PCDHA6: variants seen among roughly 807,000 people sequenced by gnomAD.
PCDHA6 encodes protocadherin alpha-6.
Under a neutral mutation model 60.3 loss-of-function variants are expected in PCDHA6, and 55 were observed. The ratio of observed to expected loss-of-function variants is 0.91; its 90% CI spans 0.73 to 1.14. PCDHA6 has a LOEUF of 1.14. Among genes scored for constraint, PCDHA6 ranks in the 50% most tolerant of loss-of-function variants. The probability of loss-of-function intolerance (pLI) is 0.00; values close to 1 mark genes in which losing one functional copy is unlikely to be tolerated. For missense variants in PCDHA6, 1,327 were observed against 1,256.5 expected (o/e 1.06, Z -0.85); for synonymous variants, 652 against 557.9 (o/e 1.17, Z -2.38).
At chr5:140,869,139 A>C (rs2050869640) in intron 1 of PCDHA6, 1 of 1,613,156 alleles carries the variant, frequency 6.2e-7, no homozygotes, top group Admixed American at 1.7e-5. Flanking sequence ...TGGGCACCCC[A>C]CGACTACAGC....
intron 1 of PCDHA6, among the ~76,000 whole-genome samples, chr5:140,943,498 A>T (rs2093507311): frequency 6.6e-6 from 1 of 152,164 alleles, no homozygotes; most frequent in Admixed American, 6.6e-5. Flanking sequence ...GATGCTATCA[A>T]GGTTCATGGA....
intron 1 of PCDHA6, chr5:140,968,816 G>A: frequency 6.2e-7 from 1 of 1,614,144 alleles, no homozygotes. Context: ...GGTGGATAGG[G>A]TTTCCAAAAT....
chr5:140,834,483 T>C (rs1387248014), intron 1 of PCDHA6: 12 of 1,614,016 alleles, frequency 7.4e-6, no homozygotes, highest in Admixed American at 1.7e-5. Context: ...GCTCCACTAC[T>C]CGGTCCCCGA....
chr5:140,875,632 C>G, intron 1 of PCDHA6: 1 of 1,613,710 alleles, frequency 6.2e-7, no homozygotes, highest in Non-Finnish European at 8.5e-7. Flanking sequence ...GGACCTGGGG[C>G]TGGAGCTGGC....
chr5:140,870,864 C>T lies in PCDHA6; in HGVS notation c.2394+40379C>T, dbSNP rs782241816. The T allele has an allele frequency of 3.7e-6, 6 of 1,613,816 alleles. No homozygotes were observed. The African/African-American group carries it at 8.0e-5, about 22-fold the overall frequency. ...TAGTACCGCGGTCGGTGGGTGCGGG[C>T]CACGTGGTGGCGAAGGTGCGCGCAG... On this transcript the variant is annotated intron_variant, in intron 1 of 3. Coordinates refer to ENST00000529310, the MANE Select transcript of PCDHA6 (RefSeq NM_018909.4).
At chr5:140,947,530 CAATTTCTACAAAG>C (rs2094141786) in intron 1 of PCDHA6, among the ~76,000 whole-genome samples, 1 of 151,588 alleles carries the variant, frequency 6.6e-6, no homozygotes, top group African/African-American at 2.4e-5. Flanking sequence ...ATCAACTTTT[CAATTTCTACAAAG>C]AATTCCGCTG....
At chr5:140,855,901 A>G (rs1280645152) in intron 1 of PCDHA6, 6 of 1,088,536 alleles carry the variant, frequency 5.5e-6, no homozygotes, top group African/African-American at 4.7e-5. Flanking sequence ...GGCATCAGCC[A>G]GTTTCTCAAG....
At chr5:140,880,198 G>C (rs1360437780) in intron 1 of PCDHA6, among the ~76,000 whole-genome samples, 1 of 152,164 alleles carries the variant, frequency 6.6e-6, no homozygotes, top group Non-Finnish European at 1.5e-5. Flanking sequence ...ATAAACAGAA[G>C]AGGTTTTCCA....
At chr5:140,974,856 C>G (rs2096643713) in intron 1 of PCDHA6, among the ~76,000 whole-genome samples, 1 of 152,104 alleles carries the variant, frequency 6.6e-6, no homozygotes, top group African/African-American at 2.4e-5. Context: ...TTCCCTTTTG[C>G]CTTAATGCGG....
intron 1 of PCDHA6, among the ~76,000 whole-genome samples, chr5:140,902,277 A>G (rs1257357376): frequency 1.3e-5 from 2 of 149,170 alleles, no homozygotes; most frequent in African/African-American, 5.0e-5. Flanking sequence ...GGCTCAAGCA[A>G]TCCTCCTGCC....
rs1554148909 is a variant in PCDHA6, at chr5:140,856,599, A to G, written c.2394+26114A>G. 10 of 1,597,910 alleles carry G rather than the reference A, an allele frequency of 6.3e-6. 1 individual carries two copies. Among genetic ancestry groups the G allele is most frequent in the African/African-American group, 1.3e-5 (1 of 74,324 alleles). ...TATTTTGTTCTTGATATTATAAACAAAAAAGACAAAGACAAATTCCCAGTG... is the reference window on the plus strand; with the variant it reads ...TATTTTGTTCTTGATATTATAAACAGAAAAGACAAAGACAAATTCCCAGTG... On this transcript the variant is annotated intron_variant, in intron 1 of 3. Transcript: ENST00000529310.
intron 1 of PCDHA6, among the ~76,000 whole-genome samples, chr5:140,941,215 C>CTTT (rs782548958): frequency 2.3e-4 from 24 of 104,510 alleles, no homozygotes; most frequent in African/African-American, 3.3e-4. Context: ...TTCTTTCTTC[C>CTTT]TTTCTTTCTT....
In PCDHA6 at chr5:140,920,855, A is replaced by C. The variant is rs537725798; in HGVS notation, c.2395-58094A>C. Among the ~76,000 whole-genome samples, 935 of 152,094 alleles carry C rather than the reference A, an allele frequency of 6.1e-3. 10 individuals are homozygous for C. Among genetic ancestry groups the C allele is most frequent in the Admixed American group, 0.012 (185 of 15,278 alleles). On this transcript the variant is annotated intron_variant, in intron 1 of 3. Coordinates refer to ENST00000529310, the MANE Select transcript of PCDHA6 (RefSeq NM_018909.4). ...AAGACCAAATCTAAAAAAAAAAAAAAAAACAAACAAACTGTGGCCCTTAGA... is the reference window on the plus strand; with the variant it reads ...AAGACCAAATCTAAAAAAAAAAAAACAAACAAACAAACTGTGGCCCTTAGA...
rs1562687946 is a variant in PCDHA6 at position 140,874,243 on chromosome 5, TG to T, written c.2394+43760del. ...GTAGGAATGAATGGCAACAAATTAT[TG>T]GTTTAAAGATTTTGACTTGAGTATT... On this transcript the variant is annotated intron_variant, in intron 1 of 3. Coordinates refer to ENST00000529310, the MANE Select transcript of PCDHA6 (RefSeq NM_018909.4). 2.0e-5 allele frequency among the ~76,000 whole-genome samples: 3 copies of T among 152,230 alleles called. No homozygotes were observed. In the South Asian group the frequency reaches 6.2e-4, roughly 32 times the overall value.
intron 3 of PCDHA6, among the ~76,000 whole-genome samples, chr5:140,996,992 T>A (rs565740982): frequency 3.9e-5 from 6 of 152,324 alleles, no homozygotes; most frequent in African/African-American, 1.4e-4. Flanking sequence ...CAACCACTGT[T>A]AACAATTTTG....
chr5:141,007,435 G>A (rs1342767950), intron 3 of PCDHA6, among the ~76,000 whole-genome samples: 1 of 150,972 alleles, frequency 6.6e-6, no homozygotes, highest in Non-Finnish European at 1.5e-5. Flanking sequence ...AGGCATGGTG[G>A]CATGTGCCTG....
intron 1 of PCDHA6, chr5:140,850,351 G>A (rs2150480754): frequency 6.3e-7 from 1 of 1,597,916 alleles, no homozygotes; most frequent in Non-Finnish European, 8.6e-7. Flanking sequence ...GCCAGCGCGA[G>A]CATCCCGTTC....
intron 1 of PCDHA6, among the ~76,000 whole-genome samples, chr5:140,844,268 C>G (rs1440274573): frequency 6.7e-6 from 1 of 149,334 alleles, no homozygotes; most frequent in Non-Finnish European, 1.5e-5. Context: ...TGATAAAATA[C>G]AGAATGATAG....
chr5:141,009,606 T>C (rs2098413036), intron 3 of PCDHA6, 21 bp from the exon 4 acceptor site: 1 of 1,609,858 alleles, frequency 6.2e-7, no homozygotes, highest in Non-Finnish European at 8.5e-7. Flanking sequence ...TGTTAATGAT[T>C]TGTAATGTTT....
Sources: gnomAD v4.1 joint callset for allele counts (sites outside exome capture counted in the v4.1 genomes callset) on GRCh38, gnomAD v4.1.1 for gene constraint, MANE v1.5 for transcripts, NCBI Gene and HGNC (gene_info 2026-07-23, HGNC 2026-07-21) for gene names.